Variants in SNX30 observed in about 807,000 individuals in gnomAD.
SNX30 encodes the protein sorting nexin family member 30.
In SNX30, 24 loss-of-function variants were observed where a neutral mutation model predicts 46.4. The observed-to-expected ratio is 0.52, with a 90% CI of 0.37 to 0.73. The LOEUF (loss-of-function observed/expected upper bound fraction) is 0.73, where lower values mean the gene tolerates loss of function less well. Among genes scored for constraint, SNX30 ranks in the 30% least tolerant of loss-of-function variants. SNX30 has a pLI of 0.00. For synonymous variants in SNX30, 189 were observed against 211.5 expected, an observed-to-expected ratio of 0.89 and a Z score of 0.92; for missense variants, 533 against 555.7, an observed-to-expected ratio of 0.96 and a Z score of 0.41.
At chr9:112,776,716 TA>T (rs1799365587) in intron 1 of SNX30, among the ~76,000 whole-genome samples, 2 of 152,178 alleles carry the variant, frequency 1.3e-5, no homozygotes, top group Admixed American at 1.3e-4. Context: ...GGTGAGTGGA[TA>T]GGGGTGGGGT....
rs1175748416 is a variant in SNX30 at position 112,750,944 on chromosome 9, C to G, written c.-58C>G. ...GGCTCGGCCCGGGGTGCTCGGGGAG[C>G]TCGCCGCGGCGGGCAGCAGGAGGAA... On this transcript the variant is annotated 5_prime_UTR_variant, in exon 1 of 9. Transcript: ENST00000374232. 1 of 1,182,434 alleles carries G rather than the reference C, an allele frequency of 8.5e-7. No individual in the cohort carries two copies. Among genetic ancestry groups the G allele is most frequent in the African/African-American group, 1.6e-5 (1 of 62,112 alleles). 73.2% of individuals were successfully genotyped at this position (1,182,434 alleles called of 1,614,324 possible). A position where few individuals can be genotyped will look rare whatever the true frequency, so the allele number is the denominator to read the frequency against.
chr9:112,827,975 G>A (rs928756126), intron 3 of SNX30, among the ~76,000 whole-genome samples: 1 of 152,222 alleles, frequency 6.6e-6, no homozygotes, highest in Non-Finnish European at 1.5e-5. Flanking sequence ...AGCATTGTTA[G>A]TAGGGCTATA....
intron 3 of SNX30, among the ~76,000 whole-genome samples, chr9:112,829,954 C>A (rs1840635976): frequency 1.3e-5 from 2 of 152,062 alleles, no homozygotes; most frequent in African/African-American, 4.8e-5. Context: ...AAAAATATTT[C>A]ATAGCTCAAA....
Position 112,868,759 on chromosome 9 carries a change from C to T in SNX30, c.1255-25C>T, listed in dbSNP as rs201139937. 2,530 of 1,613,670 alleles carry T rather than the reference C, an allele frequency of 1.6e-3. 5 individuals carry two copies. The highest frequency in any genetic ancestry group is 1.9e-3 in the Non-Finnish European group (2,281 of 1,179,584). ...CGAAATCGGAAACTCAAAGCTGATA[C>T]TGTGTGTGTATGTTGTCGTTCCAGT... is the stretch of plus-strand genomic sequence containing the variant. On this transcript the variant is annotated intron_variant, in intron 8 of 8. Coordinates refer to ENST00000374232, the MANE Select transcript of SNX30 (RefSeq NM_001012994.2).
chr9:112,842,287 G>C (rs1325712228), intron 6 of SNX30, among the ~76,000 whole-genome samples: 1 of 152,246 alleles, frequency 6.6e-6, no homozygotes, highest in Non-Finnish European at 1.5e-5. Flanking sequence ...TCAGAGCTGA[G>C]AAAGTCCTGG....
intron 3 of SNX30, among the ~76,000 whole-genome samples, chr9:112,828,281 T>C (rs1334097094): frequency 1.3e-5 from 2 of 152,150 alleles, no homozygotes; most frequent in African/African-American, 2.4e-5. Flanking sequence ...CATTTAAATA[T>C]GTTTAGGTAC....
chr9:112,817,509 C>G (rs1168293484), intron 2 of SNX30, among the ~76,000 whole-genome samples, 196 bp from the exon 3 acceptor site: 3 of 131,848 alleles, frequency 2.3e-5, no homozygotes, highest in African/African-American at 8.6e-5. Context: ...TATTCCAGCT[C>G]GTTGAATTTT....
intron 2 of SNX30, among the ~76,000 whole-genome samples, chr9:112,817,324 G>T (rs1840411469): frequency 7.6e-6 from 1 of 130,766 alleles, no homozygotes; most frequent in Non-Finnish European, 1.6e-5. Flanking sequence ...TGGAGGAAAT[G>T]AATCAAATGT....
At chr9:112,808,769 A>C (rs1840271815) in intron 2 of SNX30, among the ~76,000 whole-genome samples, 1 of 152,202 alleles carries the variant, frequency 6.6e-6, no homozygotes, top group South Asian at 2.1e-4. Flanking sequence ...CATTGTGAAC[A>C]TGTTTCTATG....
intron 1 of SNX30, among the ~76,000 whole-genome samples, chr9:112,791,645 G>C (rs1189482176): frequency 3.3e-5 from 5 of 151,836 alleles, no homozygotes; most frequent in Non-Finnish European, 7.4e-5. Context: ...CTTTGACCTC[G>C]TGATCCACCC....
chr9:112,751,600 C>T (rs113463090), intron 1 of SNX30, among the ~76,000 whole-genome samples: 4,466 of 152,286 alleles, frequency 0.029, 221 homozygotes, highest in African/African-American at 0.097. Flanking sequence ...CAGCCCTGGG[C>T]TTACAGCGAG....
At chr9:112,867,813 T>G (rs1841385894) in intron 8 of SNX30, among the ~76,000 whole-genome samples, 1 of 118,166 alleles carries the variant, frequency 8.5e-6, no homozygotes, top group Admixed American at 9.9e-5. Context: ...TCCCCAAAAC[T>G]CCTCCCACCT....
downstream of SNX30, among the ~76,000 whole-genome samples, chr9:112,876,425 G>A (rs1841518174): frequency 6.6e-6 from 1 of 151,976 alleles, no homozygotes; most frequent in Non-Finnish European, 1.5e-5. Context: ...ACCAGCCTGA[G>A]CAACGTAGAC....
At chr9:112,808,374 A>G (rs1037311101) in intron 2 of SNX30, among the ~76,000 whole-genome samples, 1 of 152,268 alleles carries the variant, frequency 6.6e-6, no homozygotes, top group African/African-American at 2.4e-5. Flanking sequence ...GAAGGCTGAC[A>G]GCCAATGTAG....
intron 6 of SNX30, among the ~76,000 whole-genome samples, chr9:112,844,440 T>C (rs1274656122): frequency 6.6e-6 from 1 of 152,154 alleles, no homozygotes; most frequent in Non-Finnish European, 1.5e-5. Context: ...TGTTTAAATC[T>C]CTGAGACCGA....
intron 8 of SNX30, among the ~76,000 whole-genome samples, chr9:112,866,213 T>C (rs1783281032): frequency 6.6e-6 from 1 of 150,484 alleles, no homozygotes; most frequent in South Asian, 2.1e-4. Flanking sequence ...AGCTTCAGAG[T>C]GAGATAAGGA....
chr9:112,849,072 C>T (rs910285176), intron 6 of SNX30, among the ~76,000 whole-genome samples: 5 of 151,916 alleles, frequency 3.3e-5, no homozygotes, highest in African/African-American at 1.2e-4. Flanking sequence ...TTTTTTTTTC[C>T]AGTAAGATGC....
intron 3 of SNX30, among the ~76,000 whole-genome samples, chr9:112,823,444 A>G (rs775783447): frequency 4.6e-5 from 7 of 152,186 alleles, no homozygotes; most frequent in Non-Finnish European, 8.8e-5. Context: ...CTGCTTCGGT[A>G]TTTGTTCAGT....
At chr9:112,822,756 A>C (rs1840523858) in intron 3 of SNX30, among the ~76,000 whole-genome samples, 1 of 152,170 alleles carries the variant, frequency 6.6e-6, no homozygotes, top group South Asian at 2.1e-4. Context: ...TAAGTTTTAC[A>C]TTGTTTGCTG....
Sources: gnomAD v4.1 joint callset for allele counts (sites outside exome capture counted in the v4.1 genomes callset) on GRCh38, gnomAD v4.1.1 for gene constraint, MANE v1.5 for transcripts, NCBI Gene and HGNC (gene_info 2026-07-23, HGNC 2026-07-21) for gene names.